The following MCFD2 variants were observed in gnomAD, a reference collection of about 807,000 sequenced individuals.
The protein encoded by MCFD2 is multiple coagulation factor deficiency protein 2.
Under a neutral mutation model 12.8 loss-of-function variants are expected in MCFD2, and 11 were observed. The observed-to-expected ratio is 0.86, with a 90% CI of 0.54 to 1.42. The LOEUF (loss-of-function observed/expected upper bound fraction) is 1.42, where lower values mean the gene tolerates loss of function less well. Ranked by LOEUF, MCFD2 falls within the 40% of genes most tolerant of loss-of-function variation. The probability of loss-of-function intolerance (pLI) is 0.00; values close to 1 mark genes in which losing one functional copy is unlikely to be tolerated. For missense variants in MCFD2, 191 were observed against 178.6 expected, an observed-to-expected ratio of 1.07 and a Z score of -0.40; for synonymous variants, 70 against 68.1, an observed-to-expected ratio of 1.03 and a Z score of -0.14.
chr2:46,911,723 C>T (rs2103758097), intron 1 of MCFD2, among the ~76,000 whole-genome samples: 1 of 151,168 alleles, frequency 6.6e-6, no homozygotes, highest in South Asian at 2.1e-4. Flanking sequence ...AGATCGAGAC[C>T]ACCCTGGCTA....
intron 3 of MCFD2, chr2:46,906,799 C>T (rs1476758252): frequency 6.6e-6 from 1 of 152,180 alleles, no homozygotes; most frequent in African/African-American, 2.4e-5. Flanking sequence ...GGCACAAGAT[C>T]TTGATTTCAG....
Position 46,908,020 on chromosome 2 carries a change from C to G in MCFD2, c.150-51G>C. ...CCAATTGACAGATACTGGGATCATGCTGAAATCTTAAGGACTCTGAAAAGT... is the reference window on the plus strand; with the variant it reads ...CCAATTGACAGATACTGGGATCATGGTGAAATCTTAAGGACTCTGAAAAGT... On this transcript the variant is annotated intron_variant, in intron 2 of 3. Transcript: ENST00000319466. The surrounding 1 kb of genome is among the most constrained non-coding windows in gnomAD (Gnocchi z 4.5). 6.2e-7 allele frequency: 1 copy of G among 1,605,254 alleles called. No individual in the cohort carries two copies. Among genetic ancestry groups the G allele is most frequent in the Non-Finnish European group, 8.5e-7 (1 of 1,174,132 alleles).
intron 1 of MCFD2, among the ~76,000 whole-genome samples, chr2:46,923,667 G>T (rs1669229987): frequency 6.6e-6 from 1 of 152,104 alleles, no homozygotes; most frequent in Non-Finnish European, 1.5e-5. Flanking sequence ...CGAGACAGGA[G>T]AATCGCTCAA....
Position 46,902,366 on chromosome 2 carries a change from A to G in MCFD2, c.*3097T>C, listed in dbSNP as rs781251820. 3 of 152,678 alleles carry G rather than the reference A, an allele frequency of 2.0e-5. No homozygotes were observed. The highest frequency in any genetic ancestry group is 4.4e-5 in the Non-Finnish European group (3 of 68,052). 9.5% of individuals were successfully genotyped at this position (152,678 alleles called of 1,614,324 possible). A position where few individuals can be genotyped will look rare whatever the true frequency, so the allele number is the denominator to read the frequency against. ...TATCTTTTCACTTCCTACTTAGGCT[A>G]GGCCAGGTGGTAGTTTTACCCCTGC... On this transcript the variant is annotated 3_prime_UTR_variant, in exon 4 of 4. Transcript: ENST00000319466.
intron 1 of MCFD2, among the ~76,000 whole-genome samples, chr2:46,921,900 G>C (rs1353295811): frequency 6.6e-6 from 1 of 152,160 alleles, no homozygotes; most frequent in African/African-American, 2.4e-5. Context: ...AGCTCAGGTT[G>C]GTAATGCTCA....
intron 1 of MCFD2, among the ~76,000 whole-genome samples, chr2:46,922,412 A>T (rs1278954240): frequency 2.0e-5 from 3 of 152,094 alleles, no homozygotes; most frequent in Non-Finnish European, 4.4e-5. Context: ...GTTTGCTTCT[A>T]TCTGCCTGCT....
Position 46,908,001 on chromosome 2 carries a change from GAC to G in MCFD2, c.150-34_150-33del. The G allele has an allele frequency of 1.2e-6, 2 of 1,612,098 alleles. No homozygotes were observed. The highest frequency in any genetic ancestry group is 8.5e-7 in the Non-Finnish European group (1 of 1,178,904). On this transcript the variant is annotated intron_variant, in intron 2 of 3. Coordinates refer to ENST00000319466, the MANE Select transcript of MCFD2 (RefSeq NM_139279.6). The surrounding 1 kb of genome is among the most constrained non-coding windows in gnomAD (Gnocchi z 4.5). ...ATCAACAGTCAGGTTCAGGCCAATT[GAC>G]AGATACTGGGATCATGCTGAAATCT...
upstream of MCFD2, chr2:46,916,023 C>T (rs1668766137): frequency 6.1e-6 from 6 of 985,302 alleles, no homozygotes; most frequent in Admixed American, 6.1e-5. Flanking sequence ...CCAGTTGGGC[C>T]GCTGGACGCC....
chr2:46,907,485 A>G lies in MCFD2; in HGVS notation c.309+325T>C, dbSNP rs1474290751. On this transcript the variant is annotated intron_variant, in intron 3 of 3. Transcript: ENST00000319466. This position sits in a 1 kb window ranked among gnomAD's most constrained non-coding sequence, Gnocchi z 4.1. ...CTATAGCCTCGACATCCTGGACTCA[A>G]GCAATCCTCCCACCTTAGCCTCCTG... is the stretch of plus-strand genomic sequence containing the variant. The G allele has an allele frequency of 2.7e-6, 1 of 372,516 alleles. No homozygotes were observed. The highest frequency in any genetic ancestry group is 5.2e-6 in the Non-Finnish European group (1 of 193,388). The allele number at this position is 372,516 out of a possible 1,614,324, so 23.1% of individuals were successfully genotyped here. A position where few individuals can be genotyped will look rare whatever the true frequency, so the allele number is the denominator to read the frequency against.
In MCFD2 at chr2:46,902,719, C is replaced by A. The variant is rs1316842799; in HGVS notation, c.*2744G>T. The A allele has an allele frequency of 6.6e-6, 1 of 152,412 alleles. No homozygotes were observed. Among genetic ancestry groups the A allele is most frequent in the Non-Finnish European group, 1.5e-5 (1 of 68,040 alleles). 9.4% of individuals were successfully genotyped at this position (152,412 alleles called of 1,614,324 possible). ...CTAGGCTGACATTCTTATGCTGTGG[C>A]TTTGAAATAGCCTAATAAATATCCA... is the stretch of plus-strand genomic sequence containing the variant. On this transcript the variant is annotated 3_prime_UTR_variant, in exon 4 of 4. Transcript: ENST00000319466.
intron 1 of MCFD2, among the ~76,000 whole-genome samples, chr2:46,930,638 T>G (rs1283735774): frequency 6.6e-6 from 1 of 152,026 alleles, no homozygotes; most frequent in East Asian, 1.9e-4. Flanking sequence ...TAGCTGGGAT[T>G]ACAGGCGCCT....
intron 1 of MCFD2, among the ~76,000 whole-genome samples, chr2:46,913,023 T>G (rs1266878626): frequency 6.6e-6 from 1 of 151,874 alleles, no homozygotes; most frequent in Non-Finnish European, 1.5e-5. Context: ...GTGTTGGGGG[T>G]GGGGGAAATT....
chr2:46,926,218 G>A (rs182904736), intron 1 of MCFD2, among the ~76,000 whole-genome samples: 1 of 152,214 alleles, frequency 6.6e-6, no homozygotes, highest in East Asian at 1.9e-4. Flanking sequence ...TCTCCTCAGA[G>A]TGGAGCAGTG....
At chr2:46,924,308 C>T (rs778686783) in intron 1 of MCFD2, among the ~76,000 whole-genome samples, 8 of 151,814 alleles carry the variant, frequency 5.3e-5, no homozygotes, top group Admixed American at 1.3e-4. Flanking sequence ...TTGGTATCAG[C>T]TCATCAACAT....
At chr2:46,925,535 G>A (rs1669344048) in intron 1 of MCFD2, among the ~76,000 whole-genome samples, 1 of 152,060 alleles carries the variant, frequency 6.6e-6, no homozygotes, top group Non-Finnish European at 1.5e-5. Flanking sequence ...TCCAGCCTGG[G>A]CAACAAAGTG....
chr2:46,936,532 G>T (rs998897778), intron 1 of MCFD2, among the ~76,000 whole-genome samples: 1 of 152,166 alleles, frequency 6.6e-6, no homozygotes, highest in Admixed American at 6.6e-5. Flanking sequence ...GGGGTCCTGA[G>T]CCACAGGATA....
At chr2:46,939,062 A>C (rs998841478) in intron 1 of MCFD2, among the ~76,000 whole-genome samples, 2 of 151,910 alleles carry the variant, frequency 1.3e-5, no homozygotes, top group Admixed American at 6.6e-5. Flanking sequence ...GACCGCTTGA[A>C]GCTGGGAGTT....
chr2:46,909,143 G>T lies in MCFD2; in HGVS notation c.29C>A (p.Pro10His), dbSNP rs1172452105. Residue 10 changes from proline (P) to histidine (H), a missense_variant, in exon 2 of 4, where the codon CCC becomes CAC. By Grantham distance (77) the Pro-to-His change is moderately conservative. Coordinates refer to ENST00000319466, the MANE Select transcript of MCFD2 (RefSeq NM_139279.6). MTMRSLLRT[P>H]FLCGLLWAFC... The stretch of plus-strand genomic sequence containing the variant: ...GGCCCAGAGCAGGCCACACAGGAAG[G>T]GGGTTCTGAGCAGGGATCTCATGGT... The T allele has an allele frequency of 6.2e-7, 1 of 1,614,176 alleles. No individual in the cohort carries two copies. The highest frequency in any genetic ancestry group is 1.7e-5 in the Admixed American group (1 of 60,020).
intron 1 of MCFD2, among the ~76,000 whole-genome samples, chr2:46,924,779 C>T (rs1434318692): frequency 6.6e-6 from 1 of 152,176 alleles, no homozygotes; most frequent in Admixed American, 6.5e-5. Context: ...GGCACACTGC[C>T]AGCACGCCTG....
Sources: allele counts gnomAD v4.1 joint callset (sites outside exome capture counted in the v4.1 genomes callset), GRCh38; gene constraint gnomAD v4.1.1; non-coding constraint Gnocchi (gnomAD v3.1); transcripts MANE v1.5; gene names NCBI Gene and HGNC (gene_info 2026-07-23, HGNC 2026-07-21).